The following CLHC1 variants were observed in gnomAD, a reference collection of about 807,000 sequenced individuals.
CLHC1 encodes clathrin heavy chain linker domain-containing protein 1.
CLHC1 carries 72 observed loss-of-function variants against 69.5 expected under a neutral mutation model. That is an observed-to-expected ratio of 1.04 (90% confidence interval 0.86 to 1.26). The LOEUF is 1.26. Ranked by LOEUF, CLHC1 falls within the 50% of genes most tolerant of loss-of-function variation. The pLI, the probability that CLHC1 is intolerant of heterozygous loss-of-function variation, is 0.00. For missense variants in CLHC1, 790 were observed against 679.3 expected, an observed-to-expected ratio of 1.16 and a Z score of -1.81; for synonymous variants, 223 against 224.3, an observed-to-expected ratio of 0.99 and a Z score of 0.05.
rs2103941115 is a variant in CLHC1 at position 55,209,480 on chromosome 2, A to T, written c.738T>A (p.Ser246Arg). Residue 246 changes from serine (S) to arginine (R), a missense_variant, in exon 7 of 13, where the codon AGT (serine) becomes AGA (arginine). Coordinates refer to ENST00000401408, the MANE Select transcript of CLHC1 (RefSeq NM_152385.4). ...QRLQIISQAL[S>R]SWVKSDMSSP... ...TGCTCATATCAGATTTTACCCATGA[A>T]CTAAGTGCCTGTGAAATTATCTGCA... 6.2e-7 allele frequency: 1 copy of T among 1,611,974 alleles called. No individual in the cohort carries two copies. Among genetic ancestry groups the T allele is most frequent in the Middle Eastern group, 1.7e-4 (1 of 6,050 alleles).
intron 4 of CLHC1, chr2:55,215,142 A>C (rs1439690173): frequency 6.6e-6 from 1 of 152,212 alleles, no homozygotes; most frequent in African/African-American, 2.4e-5. Flanking sequence ...AAACTATGCA[A>C]AGTTTGACCT....
At chr2:55,202,124 C>A (rs1300109968) in intron 9 of CLHC1, among the ~76,000 whole-genome samples, 7 of 151,990 alleles carry the variant, frequency 4.6e-5, no homozygotes, top group African/African-American at 1.7e-4. Flanking sequence ...CCCACTTTCA[C>A]CACTGGTATT....
intron 9 of CLHC1, among the ~76,000 whole-genome samples, chr2:55,203,665 T>C (rs1672172940): frequency 1.3e-5 from 2 of 152,066 alleles, no homozygotes; most frequent in Non-Finnish European, 1.5e-5. Flanking sequence ...CAAATCAAAA[T>C]GGATTAAATA....
chr2:55,232,301 G>T, upstream of CLHC1: 1 of 205,288 alleles, frequency 4.9e-6, no homozygotes, highest in Non-Finnish European at 1.0e-5. Context: ...TCTGGGAGGT[G>T]GAACTGCATC....
At chr2:55,203,184 T>A (rs1465762469) in intron 9 of CLHC1, among the ~76,000 whole-genome samples, 2 of 152,122 alleles carry the variant, frequency 1.3e-5, no homozygotes, top group Non-Finnish European at 2.9e-5. Flanking sequence ...TGGAAACATA[T>A]GCCATATTCA....
intron 9 of CLHC1, among the ~76,000 whole-genome samples, chr2:55,182,231 C>T (rs1170109200): frequency 6.6e-6 from 1 of 152,118 alleles, no homozygotes; most frequent in African/African-American, 2.4e-5. Context: ...AACTATCCTG[C>T]TTTAATGACC....
chr2:55,208,964 G>A (rs574826673), intron 7 of CLHC1, among the ~76,000 whole-genome samples: 6 of 150,022 alleles, frequency 4.0e-5, no homozygotes, highest in Non-Finnish European at 7.4e-5. Context: ...TCCGCCTCCC[G>A]GGTTCACACC....
At chr2:55,223,432 G>T (rs547211097) in intron 2 of CLHC1, among the ~76,000 whole-genome samples, 2 of 152,080 alleles carry the variant, frequency 1.3e-5, no homozygotes, top group Admixed American at 6.5e-5. Context: ...GCGGCCTGGC[G>T]GGGGCGAGCG....
intron 4 of CLHC1, 34 bp downstream of exon 4, chr2:55,217,777 T>C (rs1286102587): frequency 2.2e-6 from 3 of 1,380,282 alleles, no homozygotes; most frequent in East Asian, 2.5e-5. Context: ...AAGCAACAAC[T>C]ACCATCTTTT....
intron 9 of CLHC1, among the ~76,000 whole-genome samples, chr2:55,195,125 A>G (rs1671284927): frequency 6.6e-6 from 1 of 152,124 alleles, no homozygotes; most frequent in Admixed American, 6.6e-5. Flanking sequence ...ACTATAGTCA[A>G]CATGCTGTGC....
rs1424788561 is a variant in CLHC1 at position 55,213,044 on chromosome 2, A to G, written c.366-238T>C. On this transcript the variant is annotated intron_variant, in intron 4 of 12. Transcript: ENST00000401408. ...AATTCGTTAAGTGCTAATCACAATAATATGGCCACAAACTATTCTCTTTAG... is the reference window on the plus strand; with the variant it reads ...AATTCGTTAAGTGCTAATCACAATAGTATGGCCACAAACTATTCTCTTTAG... Among the ~76,000 whole-genome samples the G allele has an allele frequency of 9.2e-5, 14 of 152,224 alleles. 1 individual carries two copies. The highest frequency in any genetic ancestry group is 1.5e-5 in the Non-Finnish European group (1 of 68,036).
At chr2:55,219,220 A>G (rs1437391) in intron 3 of CLHC1, among the ~76,000 whole-genome samples, 78,461 of 151,958 alleles carry the variant, frequency 0.52, 20,433 homozygotes, top group Middle Eastern at 0.63. Flanking sequence ...GACAACTCAG[A>G]TATATTAATG....
At chr2:55,194,539 T>G (rs940846483) in intron 9 of CLHC1, among the ~76,000 whole-genome samples, 3 of 151,994 alleles carry the variant, frequency 2.0e-5, no homozygotes, top group African/African-American at 7.3e-5. Flanking sequence ...ATTGGAGAAT[T>G]TAGCCAGTAC....
Position 55,222,219 on chromosome 2 carries a change from A to C in CLHC1, c.177+16T>G. The stretch of plus-strand genomic sequence containing the variant: ...ATCCTCATGAAAACTTAATTGTCTT[A>C]AAAGCTTTATGATACCTTATCAAAA... On this transcript the variant is annotated intron_variant, in intron 3 of 12. Transcript: ENST00000401408. The C allele has an allele frequency of 6.3e-7, 1 of 1,592,246 alleles. No individual in the cohort carries two copies. Among genetic ancestry groups the C allele is most frequent in the East Asian group, 2.2e-5 (1 of 44,690 alleles).
Position 55,180,729 on chromosome 2 carries a change from A to G in CLHC1, c.1182-17T>C, listed in dbSNP as rs1669856433. 1 of 1,606,432 alleles carries G rather than the reference A, an allele frequency of 6.2e-7. No individual in the cohort carries two copies. Reference sequence around the variant, plus strand: ...AATGTCAGTCTAGAACAAGCAGATCAATAAGACATATGTTAGAAAATTCCT... The same window carrying G: ...AATGTCAGTCTAGAACAAGCAGATCGATAAGACATATGTTAGAAAATTCCT... On this transcript the variant is annotated splice_polypyrimidine_tract_variant and intron_variant, in intron 10 of 12. Coordinates refer to ENST00000401408, the MANE Select transcript of CLHC1 (RefSeq NM_152385.4).
intron 1 of CLHC1, among the ~76,000 whole-genome samples, chr2:55,228,897 C>G (rs1674974570): frequency 2.6e-5 from 4 of 152,094 alleles, no homozygotes; most frequent in African/African-American, 9.7e-5. Flanking sequence ...TGCCTGTAAT[C>G]CCAGCACTTT....
chr2:55,209,883 G>C lies in CLHC1; in HGVS notation c.500-52C>G, dbSNP rs765947480. On this transcript the variant is annotated intron_variant, in intron 5 of 12. Transcript: ENST00000401408. Reference sequence around the variant, plus strand: ...ACGACAAGCCATGTGTGGGACGCTTGTGCTCAAAGAGCAAGTCTTAGAAAG... The same window carrying C: ...ACGACAAGCCATGTGTGGGACGCTTCTGCTCAAAGAGCAAGTCTTAGAAAG... 6 of 1,198,020 alleles carry C rather than the reference G, an allele frequency of 5.0e-6. No individual in the cohort carries two copies. The African/African-American group carries it at 6.1e-5, about 12-fold the overall frequency. 74.2% of individuals were successfully genotyped at this position (1,198,020 alleles called of 1,614,324 possible). A position where few individuals can be genotyped will look rare whatever the true frequency, so the allele number is the denominator to read the frequency against.
chr2:55,222,321 T>A lies in CLHC1; in HGVS notation c.91A>T (p.Ile31Leu), dbSNP rs769693020. ...KEFLESVQRY[I>L]ITETERLGCS... is the part of the protein sequence containing the mutation. The stretch of plus-strand genomic sequence containing the variant: ...CCCAGTCTTTCAGTTTCTGTAATTA[T>A]GTATCTTTGCACACTTTCCAAAAAT... Residue 31 changes from isoleucine to leucine, a missense_variant, in exon 3 of 13, where the codon ATA becomes TTA. Physicochemically the swap from Ile to Leu is conservative, Grantham distance 5 (BLOSUM62 2). Transcript: ENST00000401408. 4 of 1,613,568 alleles carry A rather than the reference T, an allele frequency of 2.5e-6. No individual in the cohort carries two copies. In the African/African-American group the frequency reaches 4.0e-5, roughly 16 times the overall value.
intron 3 of CLHC1, among the ~76,000 whole-genome samples, chr2:55,219,647 C>T (rs1214720654): frequency 6.6e-6 from 1 of 151,956 alleles, no homozygotes; most frequent in African/African-American, 2.4e-5. Flanking sequence ...TATAGTCAGC[C>T]CACTTAACTC....
Sources: gnomAD v4.1 joint callset for allele counts (sites outside exome capture counted in the v4.1 genomes callset) on GRCh38, gnomAD v4.1.1 for gene constraint, MANE v1.5 for transcripts, NCBI Gene and HGNC (gene_info 2026-07-23, HGNC 2026-07-21) for gene names.